Variants in FRMPD3 observed in about 807,000 individuals in gnomAD.
The protein encoded by FRMPD3 is FERM and PDZ domain containing 3.
A neutral mutation model predicts 97.9 loss-of-function variants in FRMPD3; 42 were observed. The observed-to-expected ratio is 0.43, with a 90% CI of 0.34 to 0.55. The LOEUF (loss-of-function observed/expected upper bound fraction) is 0.55. Ranked by LOEUF, FRMPD3 falls within the 20% of genes least tolerant of loss-of-function variation. The pLI is 0.03. For missense variants in FRMPD3, 1,303 were observed against 1,457.7 expected (o/e 0.89, Z 1.73); for synonymous variants, 577 against 581.1 (o/e 0.99, Z 0.10).
intron 1 of FRMPD3, among the ~76,000 whole-genome samples, chrX:107,512,612 A>C: frequency 9.2e-6 from 1 of 108,210 alleles, no homozygotes; most frequent in Non-Finnish European, 1.9e-5. Flanking sequence ...CTTTCCCTTC[A>C]TTCCTCATCT....
intron 1 of FRMPD3, among the ~76,000 whole-genome samples, chrX:107,523,820 A>G (rs1922591430): frequency 8.9e-6 from 1 of 112,492 alleles, no homozygotes; most frequent in Admixed American, 9.4e-5. Flanking sequence ...CTCTGGCTCC[A>G]GGAGTGCCCA....
intron 1 of FRMPD3, among the ~76,000 whole-genome samples, chrX:107,484,726 C>G (rs781002430): frequency 8.0e-5 from 9 of 112,118 alleles, no homozygotes; most frequent in Admixed American, 4.7e-4. Context: ...ATCCATGGAT[C>G]GCCAAAAATA....
chrX:107,590,993 G>A (rs73522868), intron 13 of FRMPD3, among the ~76,000 whole-genome samples: 18,425 of 110,727 alleles, frequency 0.17, 3,398 homozygotes, highest in African/African-American at 0.54. Flanking sequence ...AGCATTTGGT[G>A]GAATCCACTA....
At chrX:107,489,284 C>T (rs1438348197) in intron 1 of FRMPD3, among the ~76,000 whole-genome samples, 4 of 109,901 alleles carry the variant, frequency 3.6e-5, no homozygotes, top group East Asian at 2.9e-4. Context: ...TGAATAGTGC[C>T]GCAATAAACA....
At chrX:107,499,876 G>C (rs1255253856) in intron 1 of FRMPD3, among the ~76,000 whole-genome samples, 1 of 111,165 alleles carries the variant, frequency 9.0e-6, no homozygotes, top group Non-Finnish European at 1.9e-5. Context: ...TCCCAACTCT[G>C]GGCCTGCCTC....
At position 107,557,797 on chromosome X, in the gene FRMPD3, C is replaced by CTATATA. The variant is rs59276897; in HGVS notation, c.763-2421_763-2416dup. 9.4e-3 allele frequency among the ~76,000 whole-genome samples: 281 copies of CTATATA among 30,018 alleles called. 18 individuals carry two copies. Among genetic ancestry groups the CTATATA allele is most frequent in the Non-Finnish European group, 0.016 (226 of 14,486 alleles). 26.1% of individuals were successfully genotyped at this position (30,018 alleles called of 115,157 possible). A position where few individuals can be genotyped will look rare whatever the true frequency, so the allele number is the denominator to read the frequency against. ...TGTACTTTTGTTAAAAATCTGTTGT[C>CTATATA]TATATATATATATATATATATATAT... is the stretch of plus-strand genomic sequence containing the variant. On this transcript the variant is annotated intron_variant, in intron 8 of 14. Coordinates refer to ENST00000683843, the MANE Select transcript of FRMPD3 (RefSeq NM_001388459.1).
At chrX:107,471,545 G>C (rs1300242198) in intron 1 of FRMPD3, among the ~76,000 whole-genome samples, 1 of 111,045 alleles carries the variant, frequency 9.0e-6, no homozygotes, top group Admixed American at 9.6e-5. Context: ...GTAAGAACAT[G>C]CAGTGTTTGG....
intron 1 of FRMPD3, among the ~76,000 whole-genome samples, chrX:107,496,595 A>G (rs1921779615): frequency 8.9e-6 from 1 of 112,206 alleles, no homozygotes; most frequent in Admixed American, 9.4e-5. Context: ...CTTTTTAAGC[A>G]TGGTAAAGCC....
At chrX:107,529,745 A>G (rs936931396) in intron 2 of FRMPD3, among the ~76,000 whole-genome samples, 18 of 111,930 alleles carry the variant, frequency 1.6e-4, no homozygotes, top group African/African-American at 5.5e-4. Context: ...GTCTTCAGAC[A>G]AGTGAATGCC....
At position 107,449,974 on chromosome X, in the gene FRMPD3, G is replaced by A. The variant is rs1406735884; in HGVS notation, c.-39G>A. Among the ~76,000 whole-genome samples, 1 of 110,766 alleles carries A rather than the reference G, an allele frequency of 9.0e-6. No individual in the cohort carries two copies. The highest frequency in any genetic ancestry group is 1.9e-5 in the Non-Finnish European group (1 of 52,439). ...AGGCGGAGGAGGAGGAGGAGGAGGA[G>A]GAAGAGGAGGAGGAAGAGGAGGGGG... On this transcript the variant is annotated 5_prime_UTR_variant, in exon 1 of 15. Transcript: ENST00000683843.
At chrX:107,518,178 A>G (rs1922404261) in intron 1 of FRMPD3, among the ~76,000 whole-genome samples, 2 of 111,906 alleles carry the variant, frequency 1.8e-5, no homozygotes, top group South Asian at 7.5e-4. Flanking sequence ...GCATCTATGA[A>G]AAGGTGACAT....
Position 107,572,879 on chromosome X carries a change from CACT to C in FRMPD3, c.1297-3407_1297-3405del, listed in dbSNP as rs35706267. Among the ~76,000 whole-genome samples the C allele has an allele frequency of 3.2e-3, 319 of 99,485 alleles. 4 individuals are homozygous for C. The East Asian group carries it at 0.059, about 18-fold the overall frequency. The allele number at this position is 99,485 out of a possible 115,157, so 86.4% of individuals were successfully genotyped here. A position where few individuals can be genotyped will look rare whatever the true frequency, so the allele number is the denominator to read the frequency against. On this transcript the variant is annotated intron_variant, in intron 12 of 14. Coordinates refer to ENST00000683843, the MANE Select transcript of FRMPD3 (RefSeq NM_001388459.1). ...GGAAAACATAGTAAGACCACATCTC[CACT>C]ACTACTACTACTACTACTACTACTA...
At chrX:107,478,282 T>C (rs1311547430) in intron 1 of FRMPD3, among the ~76,000 whole-genome samples, 1 of 112,125 alleles carries the variant, frequency 8.9e-6, no homozygotes, top group African/African-American at 3.2e-5. Context: ...CAAGTCTCCA[T>C]GTTGTGTCTC....
chrX:107,486,780 G>C (rs1569411315), intron 1 of FRMPD3, among the ~76,000 whole-genome samples: 1 of 111,560 alleles, frequency 9.0e-6, no homozygotes, highest in Non-Finnish European at 1.9e-5. Flanking sequence ...AAGAGGATGT[G>C]GTCATCTTGT....
rs766282572 is a variant in FRMPD3, at chrX:107,537,027, G to A, written c.297+3477G>A. Among the ~76,000 whole-genome samples the A allele has an allele frequency of 3.6e-5, 4 of 111,279 alleles. No individual in the cohort carries two copies. In the East Asian group the frequency reaches 8.5e-4, roughly 24 times the overall value. ...TAACACTCACCCCAATCTCTATCTCGACTTTCCCATCCCAGTGCCTCCAAC... is the reference window on the plus strand; with the variant it reads ...TAACACTCACCCCAATCTCTATCTCAACTTTCCCATCCCAGTGCCTCCAAC... On this transcript the variant is annotated intron_variant, in intron 4 of 14. Coordinates refer to ENST00000683843, the MANE Select transcript of FRMPD3 (RefSeq NM_001388459.1).
At chrX:107,450,990 C>G (rs749695244) in intron 1 of FRMPD3, among the ~76,000 whole-genome samples, 17 of 110,280 alleles carry the variant, frequency 1.5e-4, no homozygotes, top group Non-Finnish European at 3.0e-4. Context: ...CCTCCACGCT[C>G]GAGCTGTTGG....
At chrX:107,461,113 CTA>C (rs1243475798) in intron 1 of FRMPD3, among the ~76,000 whole-genome samples, 1 of 112,050 alleles carries the variant, frequency 8.9e-6, no homozygotes, top group Non-Finnish European at 1.9e-5. Context: ...CACACTTAGT[CTA>C]AATATAGCTT....
chrX:107,486,686 T>C (rs1921513170), intron 1 of FRMPD3, among the ~76,000 whole-genome samples: 1 of 111,971 alleles, frequency 8.9e-6, no homozygotes, highest in African/African-American at 3.3e-5. Context: ...AGATGCTCAT[T>C]CTTGCATATG....
At chrX:107,505,879 T>C (rs1202378723) in intron 1 of FRMPD3, among the ~76,000 whole-genome samples, 1 of 112,097 alleles carries the variant, frequency 8.9e-6, no homozygotes, top group Non-Finnish European at 1.9e-5. Context: ...CTTACTCCAG[T>C]AGCAGGAAGG....
Sources: allele counts gnomAD v4.1 joint callset (sites outside exome capture counted in the v4.1 genomes callset), GRCh38; gene constraint gnomAD v4.1.1; transcripts MANE v1.5; gene names NCBI Gene and HGNC (gene_info 2026-07-23, HGNC 2026-07-21).